Variants in C16orf95 observed in about 807,000 individuals in gnomAD.
C16orf95 encodes chromosome 16 open reading frame 95.
C16orf95 carries 41 observed loss-of-function variants against 32.1 expected under a neutral mutation model. The observed-to-expected ratio is 1.28, with a 90% CI of 1.00 to 1.66. C16orf95 has a LOEUF of 1.66. Ranked by LOEUF, C16orf95 falls within the 40% of genes most tolerant of loss-of-function variation. C16orf95 has a pLI of 0.00. For synonymous variants in C16orf95, 147 were observed against 128.9 expected (o/e 1.14, Z -0.95); for missense variants, 399 against 325.9 (o/e 1.22, Z -1.73).
At chr16:87,309,013 C>T (rs2150650036) in intron 5 of C16orf95, among the ~76,000 whole-genome samples, 1 of 152,346 alleles carries the variant, frequency 6.6e-6, no homozygotes, top group East Asian at 1.9e-4. Context: ...GCGATGCAGG[C>T]TGCACCTTCA....
intron 3 of C16orf95, among the ~76,000 whole-genome samples, chr16:87,311,795 A>G (rs572911280): frequency 6.6e-6 from 1 of 152,388 alleles, no homozygotes; most frequent in Non-Finnish European, 1.5e-5. Context: ...TCACATCTGC[A>G]AAGTGTCCTA....
At chr16:87,309,969 T>C (rs929276647) in intron 5 of C16orf95, among the ~76,000 whole-genome samples, 1 of 152,184 alleles carries the variant, frequency 6.6e-6, no homozygotes, top group Non-Finnish European at 1.5e-5. Flanking sequence ...ACACATACTA[T>C]GTCATAAATT....
rs879524095 is a variant in C16orf95, at chr16:87,303,079, G to A, written c.702-4C>T. The A allele has an allele frequency of 3.7e-5, 57 of 1,536,110 alleles. No homozygotes were observed. The highest frequency in any genetic ancestry group is 4.9e-5 in the Non-Finnish European group (56 of 1,146,886). The stretch of plus-strand genomic sequence containing the variant: ...ACTTCAAACCCCAAAACACTGGCTG[G>A]AAAGCAAAGAGAGACAGTTACTAGG... On this transcript the variant is annotated splice_polypyrimidine_tract_variant and splice_region_variant and intron_variant, in intron 6 of 6. Coordinates refer to ENST00000567970, the MANE Select transcript of C16orf95 (RefSeq NM_001195124.3).
At chr16:87,313,503 G>A (rs953049557) in intron 3 of C16orf95, among the ~76,000 whole-genome samples, 2 of 152,224 alleles carry the variant, frequency 1.3e-5, no homozygotes, top group African/African-American at 4.8e-5. Flanking sequence ...GGAGGCCGAG[G>A]CGGGTGGGTC....
At chr16:87,311,323 T>C (rs1911276305) in intron 3 of C16orf95, 27 bp from the exon 4 acceptor site, 2 of 1,509,566 alleles carry the variant, frequency 1.3e-6, no homozygotes, top group Non-Finnish European at 1.8e-6. Flanking sequence ...GAGGAGAAGA[T>C]TCAGAAGGGG....
chr16:87,304,356 G>C lies in C16orf95; in HGVS notation c.702-1281C>G, dbSNP rs145310525. Among the ~76,000 whole-genome samples the C allele has an allele frequency of 8.9e-3, 1,351 of 151,370 alleles. 26 individuals are homozygous for C. The highest frequency in any genetic ancestry group is 0.032 in the African/African-American group (1,304 of 40,838). On this transcript the variant is annotated intron_variant, in intron 6 of 6. Transcript: ENST00000567970. ...GGTGTGGGCCACTGTGCCCGGCCTC[G>C]CCCATCCTCTAAGGCTGGGATCCAG...
intron 1 of C16orf95, 93 bp downstream of exon 1, chr16:87,316,998 T>TTC (rs1904367655): frequency 1.4e-6 from 2 of 1,399,862 alleles, no homozygotes; most frequent in Non-Finnish European, 1.9e-6. Context: ...CGGTCAAGAG[T>TTC]TCTGCCTGTG....
intron 3 of C16orf95, among the ~76,000 whole-genome samples, chr16:87,312,050 A>C (rs1911306431): frequency 6.6e-6 from 1 of 152,196 alleles, no homozygotes; most frequent in South Asian, 2.1e-4. Context: ...ACATGCAATC[A>C]CATGTATGTG....
intron 3 of C16orf95, 89 bp from the exon 4 acceptor site, chr16:87,311,385 G>A (rs550849837): frequency 1.5e-6 from 2 of 1,355,854 alleles, no homozygotes; most frequent in African/African-American, 2.9e-5. Context: ...TCCCCCAGAA[G>A]ATCCCCTGGC....
intron 6 of C16orf95, among the ~76,000 whole-genome samples, chr16:87,304,463 G>C (rs547383137): frequency 6.6e-6 from 1 of 151,940 alleles, no homozygotes; most frequent in Admixed American, 6.6e-5. Context: ...GTACAAAGGA[G>C]TCAAACTAAA....
intron 5 of C16orf95, among the ~76,000 whole-genome samples, chr16:87,309,320 T>C (rs527771685): frequency 8.0e-5 from 12 of 150,800 alleles, no homozygotes; most frequent in Non-Finnish European, 1.8e-4. Context: ...CTGAAATCCA[T>C]ACATTGTTTC....
chr16:87,303,337 G>A (rs4636919), intron 6 of C16orf95: 16,025 of 498,402 alleles, frequency 0.032, 1,520 homozygotes, highest in African/African-American at 0.24. Context: ...GATAATGCTG[G>A]CTTTGCAGAA....
chr16:87,311,569 G>A (rs12920851), intron 3 of C16orf95, among the ~76,000 whole-genome samples: 47,239 of 152,146 alleles, frequency 0.31, 8,282 homozygotes, highest in Non-Finnish European at 0.41. Context: ...GTGCCCTGGC[G>A]GAGCACACAG....
In C16orf95 at chr16:87,317,109, G is replaced by A; in HGVS notation, c.134C>T (p.Pro45Leu). The change falls in exon 1 of 7, where the codon CCC becomes CTC. Residue 45 changes from proline to leucine, a missense_variant. Physicochemically the swap from Pro to Leu is moderately conservative, Grantham distance 98 (BLOSUM62 -3). Coordinates refer to ENST00000567970, the MANE Select transcript of C16orf95 (RefSeq NM_001195124.3). ...CACTTGCCTGCCATCCTGCGCGCTG[G>A]GTGTGAGTGCCAACCTGCAGAGCCC... The part of the protein sequence containing the change: ...CVGLCRLALT[P>L]SAQDGRNSTF... 6.5e-7 allele frequency: 1 copy of A among 1,528,864 alleles called. No individual in the cohort carries two copies. The highest frequency in any genetic ancestry group is 8.8e-7 in the Non-Finnish European group (1 of 1,142,478). The allele number at this position is 1,528,864 out of a possible 1,614,324, so 94.7% of individuals were successfully genotyped here. A position where few individuals can be genotyped will look rare whatever the true frequency, so the allele number is the denominator to read the frequency against.
intron 3 of C16orf95, among the ~76,000 whole-genome samples, chr16:87,311,513 G>A (rs548443796): frequency 1.4e-4 from 22 of 152,312 alleles, no homozygotes; most frequent in African/African-American, 4.6e-4. Flanking sequence ...TGGGAGACAC[G>A]GGACCTCCGT....
intron 6 of C16orf95, among the ~76,000 whole-genome samples, chr16:87,304,537 G>T (rs1012549705): frequency 6.6e-6 from 1 of 152,112 alleles, no homozygotes; most frequent in African/African-American, 2.4e-5. Flanking sequence ...GACAAAGAAG[G>T]AAAGCTCTCG....
intron 5 of C16orf95, 132 bp from the exon 6 acceptor site, chr16:87,306,037 T>A (rs759754168): frequency 3.3e-6 from 2 of 612,732 alleles, no homozygotes; most frequent in Admixed American, 3.9e-5. Context: ...AGCCCCGGGG[T>A]GGGGACACTG....
chr16:87,306,354 G>A lies in C16orf95; in HGVS notation c.515-449C>T, dbSNP rs187229636. ...AAAGTTTAAGGAAAGCCACAAGCAC[G>A]GATGGAATTCCAACGTTTCCATTTC... On this transcript the variant is annotated intron_variant, in intron 5 of 6. Transcript: ENST00000567970. Among the ~76,000 whole-genome samples the A allele has an allele frequency of 4.4e-3, 676 of 152,224 alleles. 8 individuals carry two copies. Among genetic ancestry groups the A allele is most frequent in the African/African-American group, 0.015 (637 of 41,528 alleles).
chr16:87,307,612 G>C (rs1191712958), intron 5 of C16orf95, among the ~76,000 whole-genome samples: 1 of 152,036 alleles, frequency 6.6e-6, no homozygotes, highest in Non-Finnish European at 1.5e-5. Context: ...ACAAAAATCA[G>C]CTGGGTATGG....
Sources: allele counts gnomAD v4.1 joint callset (sites outside exome capture counted in the v4.1 genomes callset), GRCh38; gene constraint gnomAD v4.1.1; transcripts MANE v1.5; gene names NCBI Gene and HGNC (gene_info 2026-07-23, HGNC 2026-07-21).